Variants in ZBTB49 observed in about 807,000 individuals in gnomAD.
ZBTB49 encodes the protein zinc finger and BTB domain containing 49.
ZBTB49 carries 43 observed loss-of-function variants against 57.5 expected under a neutral mutation model. The ratio of observed to expected loss-of-function variants is 0.75; its 90% CI spans 0.59 to 0.97. ZBTB49 has a LOEUF of 0.97. Among genes scored for constraint, ZBTB49 ranks in the 50% least tolerant of loss-of-function variants. ZBTB49 has a pLI of 0.00. For synonymous variants in ZBTB49, 369 were observed against 362.1 expected, an observed-to-expected ratio of 1.02 and a Z score of -0.22; for missense variants, 938 against 947.7, an observed-to-expected ratio of 0.99 and a Z score of 0.13.
chr4:4,314,640 A>G (rs995352414), intron 5 of ZBTB49, among the ~76,000 whole-genome samples: 4 of 152,194 alleles, frequency 2.6e-5, no homozygotes, highest in African/African-American at 9.7e-5. Flanking sequence ...CCAAAGTGCT[A>G]AGATTACAGA....
At chr4:4,308,567 A>C (rs1577241847) in intron 4 of ZBTB49, among the ~76,000 whole-genome samples, 2 of 152,132 alleles carry the variant, frequency 1.3e-5, no homozygotes, top group Admixed American at 6.5e-5. Flanking sequence ...AGTCATACAT[A>C]GTGATAGTTT....
intron 5 of ZBTB49, among the ~76,000 whole-genome samples, chr4:4,314,108 A>G (rs1210652035): frequency 6.6e-6 from 1 of 152,100 alleles, no homozygotes; most frequent in Non-Finnish European, 1.5e-5. Flanking sequence ...TTTCAGGAAA[A>G]CCATTTCTCT....
chr4:4,315,493 C>T (rs896986222), intron 5 of ZBTB49, 143 bp from the exon 6 acceptor site: 52 of 740,000 alleles, frequency 7.0e-5, no homozygotes, highest in Non-Finnish European at 1.0e-4. Flanking sequence ...TTTCCATGCA[C>T]GTTTCAGATG....
chr4:4,317,280 C>T (rs1378034141), intron 7 of ZBTB49, among the ~76,000 whole-genome samples: 4 of 152,014 alleles, frequency 2.6e-5, no homozygotes, highest in Non-Finnish European at 4.4e-5. Flanking sequence ...GATGGGGGAG[C>T]GCTGAAGAGA....
At chr4:4,299,814 A>AGG in intron 1 of ZBTB49, 113 bp from the exon 2 acceptor site, 1 of 745,920 alleles carries the variant, frequency 1.3e-6, no homozygotes, top group South Asian at 2.3e-5. Flanking sequence ...TGTGTGTGAG[A>AGG]GAGAAACTGT....
intron 7 of ZBTB49, among the ~76,000 whole-genome samples, chr4:4,319,451 C>T (rs1366596518): frequency 6.6e-6 from 1 of 152,154 alleles, no homozygotes; most frequent in East Asian, 1.9e-4. Context: ...AGTGGTGGAG[C>T]TAGATCCCTT....
chr4:4,312,941 G>T, intron 4 of ZBTB49, 100 bp from the exon 5 acceptor site: 2 of 1,285,192 alleles, frequency 1.6e-6, no homozygotes, highest in Non-Finnish European at 2.2e-6. Context: ...AATTTGAATT[G>T]GAACCTGGCT....
At chr4:4,300,292 C>G (rs1720419527) in intron 2 of ZBTB49, among the ~76,000 whole-genome samples, 195 bp downstream of exon 2, 1 of 152,032 alleles carries the variant, frequency 6.6e-6, no homozygotes, top group Non-Finnish European at 1.5e-5. Flanking sequence ...TTAGAGTAAC[C>G]TGAAAAGAAA....
intron 1 of ZBTB49, among the ~76,000 whole-genome samples, chr4:4,292,182 G>A (rs941533026): frequency 6.6e-6 from 1 of 152,182 alleles, no homozygotes; most frequent in African/African-American, 2.4e-5. Flanking sequence ...TCGGGAGGCT[G>A]AGGCAGAAGA....
chr4:4,305,509 A>G (rs1720696299), intron 3 of ZBTB49, among the ~76,000 whole-genome samples: 1 of 152,204 alleles, frequency 6.6e-6, no homozygotes, highest in African/African-American at 2.4e-5. Flanking sequence ...TTTTTGTAGT[A>G]GAGTACCATT....
intron 3 of ZBTB49, among the ~76,000 whole-genome samples, chr4:4,304,347 T>A (rs1168530764): frequency 6.6e-6 from 1 of 151,818 alleles, no homozygotes; most frequent in Non-Finnish European, 1.5e-5. Flanking sequence ...TGCCTGAGCC[T>A]CCCGAGTAGC....
At chr4:4,299,327 G>A (rs768182449) in intron 1 of ZBTB49, among the ~76,000 whole-genome samples, 1 of 152,142 alleles carries the variant, frequency 6.6e-6, no homozygotes, top group Non-Finnish European at 1.5e-5. Flanking sequence ...GCTTCTTTGC[G>A]ATGTCTCTTA....
chr4:4,290,595 T>G (rs942241850), intron 1 of ZBTB49, among the ~76,000 whole-genome samples: 1 of 152,184 alleles, frequency 6.6e-6, no homozygotes, highest in Admixed American at 6.5e-5. Context: ...GTTCCGGGCC[T>G]GGGAGCCGGG....
chr4:4,291,504 A>G (rs1029392039), intron 1 of ZBTB49, among the ~76,000 whole-genome samples: 1 of 152,186 alleles, frequency 6.6e-6, no homozygotes, highest in East Asian at 1.9e-4. Context: ...GAACAGTTTA[A>G]CCATAACAGA....
At chr4:4,296,482 C>T (rs367911170) in intron 1 of ZBTB49, among the ~76,000 whole-genome samples, 87 of 152,316 alleles carry the variant, frequency 5.7e-4, no homozygotes, top group African/African-American at 2.0e-3. Flanking sequence ...CCTGCACAAG[C>T]GCTCTCTTTG....
rs763560174 is a variant in ZBTB49 at position 4,315,938 on chromosome 4, C to G, written c.1589C>G (p.Thr530Arg). Residue 530 changes from threonine (T) to arginine (R), a missense_variant, in exon 7 of 8, where the codon ACG becomes AGG. By Grantham distance (71) the Thr-to-Arg change is moderately conservative. Around this residue, in one of 3 missense-constraint regions of ZBTB49, gnomAD observed 835 missense variants for 819.1 expected, o/e 1.02. Transcript: ENST00000337872. ...TTAGTAAAGCACAGAATTCGGCACA[C>G]GGGGGAGCGGCCTTACAGCTGCTCT... ...RKLVKHRIRH[T>R]GERPYSCSAC... 1 of 1,614,050 alleles carries G rather than the reference C, an allele frequency of 6.2e-7. No individual in the cohort carries two copies. The highest frequency in any genetic ancestry group is 1.1e-5 in the South Asian group (1 of 91,076).
chr4:4,308,366 C>T (rs536899381), intron 4 of ZBTB49, among the ~76,000 whole-genome samples: 5 of 152,280 alleles, frequency 3.3e-5, no homozygotes, highest in South Asian at 2.1e-4. Flanking sequence ...CGTGAGCCAC[C>T]GTGCCCAGCC....
intron 1 of ZBTB49, among the ~76,000 whole-genome samples, chr4:4,296,669 G>T (rs1438291200): frequency 1.3e-5 from 2 of 152,184 alleles, no homozygotes; most frequent in Non-Finnish European, 2.9e-5. Flanking sequence ...AATACACAAG[G>T]TGAGAAAGGA....
Position 4,320,733 on chromosome 4 carries a change from T to G in ZBTB49, c.1715T>G (p.Phe572Cys). ...ACATGTGAGATCTGTAACAAGTGCT[T>G]TACCCGCTCTGCGGTGCTCCGGCGG... ...PYTCEICNKC[F>C]TRSAVLRRHK... The change falls in exon 8 of 8, where the codon TTT becomes TGT. Residue 572 changes from phenylalanine to cysteine, a missense_variant. Physicochemically the swap from Phe to Cys is radical, Grantham distance 205. Coordinates refer to ENST00000337872, the MANE Select transcript of ZBTB49 (RefSeq NM_145291.4). 1 of 1,614,180 alleles carries G rather than the reference T, an allele frequency of 6.2e-7. No homozygotes were observed. Among genetic ancestry groups the G allele is most frequent in the Non-Finnish European group, 8.5e-7 (1 of 1,180,026 alleles).
Sources: gnomAD v4.1 joint callset for allele counts (sites outside exome capture counted in the v4.1 genomes callset) on GRCh38, gnomAD v4.1.1 for gene constraint, gnomAD v4.1.1 regional missense constraint, MANE v1.5 for transcripts, NCBI Gene and HGNC (gene_info 2026-07-23, HGNC 2026-07-21) for gene names.